RAB38: variants seen among roughly 807,000 people sequenced by gnomAD.
RAB38 encodes ras-related protein Rab-38.
Under a neutral mutation model 18.4 loss-of-function variants are expected in RAB38, and 15 were observed. The ratio of observed to expected loss-of-function variants is 0.82; its 90% CI spans 0.55 to 1.26. The LOEUF (loss-of-function observed/expected upper bound fraction) is 1.26. RAB38 is among the 50% of genes most tolerant of loss of function. The pLI is 0.00. For synonymous variants in RAB38, 101 were observed against 104.4 expected, an observed-to-expected ratio of 0.97 and a Z score of 0.20; for missense variants, 294 against 267.4, an observed-to-expected ratio of 1.10 and a Z score of -0.69.
chr11:88,004,285 A>G, the RAB38 span, among the ~76,000 whole-genome samples: 3 of 150,944 alleles, frequency 2.0e-5, no homozygotes, highest in Non-Finnish European at 4.5e-5. Flanking sequence ...AAGGTATGAT[A>G]CATTTGAGCA....
chr11:88,133,673 CA>C (rs1340915167), intron 2 of RAB38, among the ~76,000 whole-genome samples: 3 of 152,102 alleles, frequency 2.0e-5, no homozygotes, highest in African/African-American at 7.2e-5. Context: ...AGCAGAAACA[CA>C]GTAAGTGAAT....
At chr11:87,828,048 A>G in the RAB38 span, among the ~76,000 whole-genome samples, 3 of 152,192 alleles carry the variant, frequency 2.0e-5, no homozygotes, top group African/African-American at 7.2e-5. Context: ...TGACAAATGT[A>G]TATGGTAATA....
the RAB38 span, among the ~76,000 whole-genome samples, chr11:88,017,350 A>C: frequency 2.3e-4 from 24 of 105,524 alleles, no homozygotes; most frequent in Non-Finnish European, 4.2e-4. Context: ...AAGGATATAT[A>C]ATATATAGAC....
At chr11:88,076,998 G>T in the RAB38 span, among the ~76,000 whole-genome samples, 1 of 95,718 alleles carries the variant, frequency 1.0e-5, no homozygotes, top group Non-Finnish European at 2.3e-5. Context: ...GAAAAGAAAA[G>T]AAAAGAAAAG....
the RAB38 span, among the ~76,000 whole-genome samples, chr11:88,045,016 C>T: frequency 3.9e-5 from 6 of 152,190 alleles, no homozygotes; most frequent in Admixed American, 1.3e-4. Flanking sequence ...ATAGTCAAGG[C>T]TAATGCTTCT....
the RAB38 span, among the ~76,000 whole-genome samples, chr11:88,044,754 AC>A: frequency 1.3e-5 from 2 of 151,554 alleles, no homozygotes; most frequent in Non-Finnish European, 2.9e-5. Flanking sequence ...CTCAGTCCCA[AC>A]CCCAAGTGTG....
chr11:87,976,372 C>A, the RAB38 span, among the ~76,000 whole-genome samples: 386 of 137,494 alleles, frequency 2.8e-3, 1 homozygote, highest in Non-Finnish European at 3.9e-3. Context: ...AAAATATATA[C>A]AAATACAAAT....
chr11:88,094,229 A>G, the RAB38 span, among the ~76,000 whole-genome samples: 1 of 151,890 alleles, frequency 6.6e-6, no homozygotes, highest in South Asian at 2.1e-4. Context: ...ATTCTCTCCA[A>G]TTCCTAGATA....
the RAB38 span, among the ~76,000 whole-genome samples, chr11:87,939,373 CAT>C: frequency 8.8e-6 from 1 of 113,816 alleles, no homozygotes; most frequent in Non-Finnish European, 1.8e-5. Flanking sequence ...GTAACACACA[CAT>C]ACATACACAC....
At chr11:87,956,740 T>A in the RAB38 span, among the ~76,000 whole-genome samples, 2 of 152,214 alleles carry the variant, frequency 1.3e-5, no homozygotes, top group Admixed American at 1.3e-4. Context: ...ACATTTTTTT[T>A]AATCTACCTT....
At position 88,113,976 on chromosome 11, in the gene RAB38, C is replaced by A. The variant is rs191124848; in HGVS notation, c.*12G>T. 3 of 1,613,974 alleles carry A rather than the reference C, an allele frequency of 1.9e-6. No individual in the cohort carries two copies. Among genetic ancestry groups the A allele is most frequent in the Non-Finnish European group, 2.5e-6 (3 of 1,179,878 alleles). On this transcript the variant is annotated 3_prime_UTR_variant, in exon 3 of 3. Coordinates refer to ENST00000243662, the MANE Select transcript of RAB38 (RefSeq NM_022337.3). The stretch of plus-strand genomic sequence containing the variant: ...TGAGGTCATTCCTACCAGACACCAG[C>A]AAAGGTGCCTACTAGGATTTGGCAC...
At chr11:87,878,394 C>T in the RAB38 span, among the ~76,000 whole-genome samples, 1 of 150,444 alleles carries the variant, frequency 6.6e-6, no homozygotes, top group Non-Finnish European at 1.5e-5. Context: ...TAAATGAACT[C>T]AGTATTTTAC....
At chr11:88,126,238 TA>T (rs1942693246) in intron 2 of RAB38, among the ~76,000 whole-genome samples, 1 of 152,158 alleles carries the variant, frequency 6.6e-6, no homozygotes, top group Non-Finnish European at 1.5e-5. Flanking sequence ...AGTGGTTTTT[TA>T]AGACACATGC....
chr11:87,838,240 G>A, the RAB38 span, among the ~76,000 whole-genome samples: 6 of 151,870 alleles, frequency 4.0e-5, no homozygotes, highest in South Asian at 2.1e-4. Context: ...TCAACCTCCC[G>A]AGTAGCTGGG....
At chr11:88,081,471 C>T in the RAB38 span, among the ~76,000 whole-genome samples, 1 of 151,934 alleles carries the variant, frequency 6.6e-6, no homozygotes, top group African/African-American at 2.4e-5. Flanking sequence ...AAGGTGCTGA[C>T]AGGGTTGGCT....
the RAB38 span, among the ~76,000 whole-genome samples, chr11:88,092,530 A>G: frequency 2.0e-5 from 3 of 151,812 alleles, no homozygotes; most frequent in Non-Finnish European, 4.4e-5. Context: ...CTATGAGTAC[A>G]GCACCAAGTC....
At chr11:87,976,928 A>G in the RAB38 span, among the ~76,000 whole-genome samples, 129 of 15,124 alleles carry the variant, frequency 8.5e-3, 50 homozygotes, top group Non-Finnish European at 0.013. Flanking sequence ...TTATAATTAC[A>G]TTATACAAGT....
chr11:87,942,245 G>GA, the RAB38 span, among the ~76,000 whole-genome samples: 1 of 152,086 alleles, frequency 6.6e-6, no homozygotes, highest in African/African-American at 2.4e-5. Flanking sequence ...TGTCCAGTAG[G>GA]ACTAGCATGA....
the RAB38 span, among the ~76,000 whole-genome samples, chr11:87,912,069 G>T: frequency 6.6e-5 from 10 of 151,912 alleles, no homozygotes; most frequent in South Asian, 2.1e-3. Flanking sequence ...TGGTCATGAT[G>T]AATTAACCAT....
Sources: gnomAD v4.1 joint callset for allele counts (sites outside exome capture counted in the v4.1 genomes callset) on GRCh38, gnomAD v4.1.1 for gene constraint, MANE v1.5 for transcripts, NCBI Gene and HGNC (gene_info 2026-07-23, HGNC 2026-07-21) for gene names.